SEMA6A: variants seen among roughly 807,000 people sequenced by gnomAD.
SEMA6A encodes semaphorin-6A.
In SEMA6A, 25 loss-of-function variants were observed where a neutral mutation model predicts 96.8. That is an observed-to-expected ratio of 0.26 (90% CI 0.19 to 0.36). The LOEUF is 0.36. SEMA6A is among the 10% of genes least tolerant of loss of function. The pLI is 1.00. For missense variants in SEMA6A, 1,363 were observed against 1,323.1 expected, an observed-to-expected ratio of 1.03 and a Z score of -0.47; for synonymous variants, 612 against 518.0, an observed-to-expected ratio of 1.18 and a Z score of -2.46.
intron 18 of SEMA6A, among the ~76,000 whole-genome samples, chr5:116,459,567 A>G (rs1755241266): frequency 6.6e-6 from 1 of 151,622 alleles, no homozygotes; most frequent in African/African-American, 2.4e-5. Flanking sequence ...TTATTATTAC[A>G]CTCTGTAATT....
intron 1 of SEMA6A, among the ~76,000 whole-genome samples, chr5:116,540,675 C>T (rs77572441): frequency 0.012 from 1,821 of 152,296 alleles, 44 homozygotes; most frequent in African/African-American, 0.041. Context: ...TTCCTATAGA[C>T]TGATGTTGTG....
At chr5:116,557,077 A>T (rs1172414036) in intron 1 of SEMA6A, among the ~76,000 whole-genome samples, 3 of 152,218 alleles carry the variant, frequency 2.0e-5, no homozygotes, top group Non-Finnish European at 4.4e-5. Context: ...ATATCTTTAG[A>T]GAATAATCTT....
chr5:116,535,159 G>A (rs1316776168), intron 1 of SEMA6A, among the ~76,000 whole-genome samples: 1 of 152,246 alleles, frequency 6.6e-6, no homozygotes, highest in Non-Finnish European at 1.5e-5. Flanking sequence ...AGCTCAGTGA[G>A]AGGAGCACAC....
At position 116,566,049 on chromosome 5, in the gene SEMA6A, C is replaced by T. The variant is rs549660873; in HGVS notation, c.-39+8136G>A. ...TCTATCACAGCTTGTCTGTAAAACC[C>T]TCATAGAACATTAAAACATAATTAA... On this transcript the variant is annotated intron_variant, in intron 1 of 18. Transcript: ENST00000343348. Among the ~76,000 whole-genome samples, 25 of 152,258 alleles carry T rather than the reference C, an allele frequency of 1.6e-4. No individual in the cohort carries two copies. In the East Asian group the frequency reaches 4.8e-3, roughly 29 times the overall value.
At chr5:116,485,022 G>C (rs956105792) in intron 10 of SEMA6A, among the ~76,000 whole-genome samples, 24 of 152,148 alleles carry the variant, frequency 1.6e-4, no homozygotes, top group African/African-American at 5.8e-4. Flanking sequence ...GTTTGCATGT[G>C]TAAAGCATGA....
At chr5:116,529,566 AAAG>A (rs1263305688) in intron 1 of SEMA6A, among the ~76,000 whole-genome samples, 1 of 152,184 alleles carries the variant, frequency 6.6e-6, no homozygotes, top group Non-Finnish European at 1.5e-5. Flanking sequence ...AGGAGGGAAA[AAAG>A]AAGACCACGC....
intron 9 of SEMA6A, chr5:116,487,177 T>G (rs756469056): frequency 3.4e-5 from 18 of 522,584 alleles, no homozygotes; most frequent in South Asian, 6.6e-5. Flanking sequence ...GCTGTGGCAT[T>G]TAATACAGAG....
rs745956801 is a variant in SEMA6A at position 116,446,928 on chromosome 5, C to A, written c.2778G>T (p.Thr926=). 1 of 1,613,946 alleles carries A rather than the reference C, an allele frequency of 6.2e-7. No homozygotes were observed. The highest frequency in any genetic ancestry group is 1.1e-5 in the South Asian group (1 of 91,074). The change falls in exon 19 of 19, where the codon ACG becomes ACT. Residue 926 remains threonine (T), a synonymous_variant. Transcript: ENST00000343348. ...TGAGAGTGGTGGCCTGGTGGCTTCT[C>A]GTGAGCGAGTTCGTGGGGTAGCTCC... is the stretch of plus-strand genomic sequence containing the variant. ...YKRSYPTNSL[T]RSHQATTLKR... is the part of the protein sequence containing the mutation.
chr5:116,529,882 A>G (rs912257779), intron 1 of SEMA6A, among the ~76,000 whole-genome samples: 27 of 152,088 alleles, frequency 1.8e-4, no homozygotes, highest in Non-Finnish European at 3.1e-4. Flanking sequence ...AAGGTTACCT[A>G]TTGGGTACTA....
chr5:116,547,891 G>A (rs1198882018), intron 1 of SEMA6A, among the ~76,000 whole-genome samples: 1 of 152,108 alleles, frequency 6.6e-6, no homozygotes, highest in African/African-American at 2.4e-5. Flanking sequence ...ACTTTGAGAG[G>A]AGCTAAAGTG....
chr5:116,514,849 C>G (rs1277982679), intron 1 of SEMA6A, among the ~76,000 whole-genome samples: 1 of 152,230 alleles, frequency 6.6e-6, no homozygotes, highest in East Asian at 1.9e-4. Context: ...CAGCCCCTCC[C>G]CTTGCATCAC....
At chr5:116,524,886 C>A (rs1003615163) in intron 1 of SEMA6A, among the ~76,000 whole-genome samples, 1 of 150,920 alleles carries the variant, frequency 6.6e-6, no homozygotes, top group Non-Finnish European at 1.5e-5. Context: ...GACAAGGAAA[C>A]AAGGAAACCA....
At chr5:116,482,340 G>A in intron 11 of SEMA6A, 104 bp downstream of exon 11, 3 of 1,249,790 alleles carry the variant, frequency 2.4e-6, no homozygotes, top group Non-Finnish European at 3.3e-6. Flanking sequence ...CTGCTTGGCT[G>A]GCATGGAAGG....
intron 1 of SEMA6A, among the ~76,000 whole-genome samples, chr5:116,563,416 A>AT (rs1332073129): frequency 1.3e-5 from 2 of 152,110 alleles, no homozygotes; most frequent in Non-Finnish European, 2.9e-5. Context: ...GCAGAATCAC[A>AT]TTTTTCCTTG....
chr5:116,481,421 A>G (rs950205090), intron 11 of SEMA6A, among the ~76,000 whole-genome samples: 4 of 152,194 alleles, frequency 2.6e-5, no homozygotes, highest in South Asian at 2.1e-4. Context: ...TCTGCTCTCC[A>G]TAAGTAACAG....
chr5:116,556,329 G>T (rs1436135153), intron 1 of SEMA6A, among the ~76,000 whole-genome samples: 1 of 152,162 alleles, frequency 6.6e-6, no homozygotes, highest in Non-Finnish European at 1.5e-5. Context: ...GATTCATCTG[G>T]ACACTATCAT....
intron 1 of SEMA6A, chr5:116,562,653 A>T: frequency 7.1e-6 from 5 of 702,758 alleles, no homozygotes; most frequent in Non-Finnish European, 1.4e-5. Flanking sequence ...GGTGTCCGCC[A>T]TATCGTTGCA....
intron 1 of SEMA6A, among the ~76,000 whole-genome samples, chr5:116,525,578 T>C (rs1759185118): frequency 6.6e-6 from 1 of 152,156 alleles, no homozygotes; most frequent in African/African-American, 2.4e-5. Flanking sequence ...CCTCAAAACT[T>C]CCCACCCACA....
intron 10 of SEMA6A, among the ~76,000 whole-genome samples, chr5:116,484,728 G>T (rs1350946999): frequency 6.6e-6 from 1 of 152,218 alleles, no homozygotes; most frequent in African/African-American, 2.4e-5. Context: ...AGGTCCCATA[G>T]GAGGTGACTA....
Sources: gnomAD v4.1 joint callset for allele counts (sites outside exome capture counted in the v4.1 genomes callset) on GRCh38, gnomAD v4.1.1 for gene constraint, MANE v1.5 for transcripts, NCBI Gene and HGNC (gene_info 2026-07-23, HGNC 2026-07-21) for gene names.